The following PCDHGA9 variants were observed in gnomAD, a reference collection of about 807,000 sequenced individuals.
PCDHGA9 encodes the protein protocadherin gamma-A9.
Under a neutral mutation model 62.5 loss-of-function variants are expected in PCDHGA9, and 37 were observed. That is an observed-to-expected ratio of 0.59 (90% CI 0.46 to 0.78). The LOEUF is 0.78. Ranked by LOEUF, PCDHGA9 falls within the 30% of genes least tolerant of loss-of-function variation. The pLI is 0.00. For synonymous variants in PCDHGA9, 459 were observed against 484.6 expected (o/e 0.95, Z 0.69); for missense variants, 1,138 against 1,166.2 (o/e 0.98, Z 0.35).
At chr5:141,418,343 A>G in intron 1 of PCDHGA9, 1 of 1,614,010 alleles carries the variant, frequency 6.2e-7, no homozygotes, top group Non-Finnish European at 8.5e-7. Flanking sequence ...AGATCCTGAT[A>G]TTAGTATGAA....
intron 1 of PCDHGA9, among the ~76,000 whole-genome samples, chr5:141,438,629 TATATATACACACAC>T (rs1468553117): frequency 3.8e-3 from 181 of 48,054 alleles, no homozygotes; most frequent in Non-Finnish European, 5.4e-3. Flanking sequence ...TATATATATA[TATATATACACACAC>T]ACACACACAT....
intron 3 of PCDHGA9, 44 bp downstream of exon 3, chr5:141,505,525 G>C: frequency 1.2e-6 from 2 of 1,612,490 alleles, no homozygotes; most frequent in Non-Finnish European, 1.7e-6. Flanking sequence ...GAGACCTGGG[G>C]TTCTGGGGTG....
At position 141,477,811 on chromosome 5, in the gene PCDHGA9, C is replaced by A. The variant is rs1211574518; in HGVS notation, c.2425-16996C>A. 1 of 1,614,046 alleles carries A rather than the reference C, an allele frequency of 6.2e-7. No individual in the cohort carries two copies. Among genetic ancestry groups the A allele is most frequent in the Non-Finnish European group, 8.5e-7 (1 of 1,180,034 alleles). On this transcript the variant is annotated intron_variant, in intron 1 of 3. Transcript: ENST00000573521. This position sits in a 1 kb window ranked among gnomAD's most constrained non-coding sequence, Gnocchi z 4.9. ...TCACTGATCGCAATGACAATGCCCC[C>A]CAGGTCCTATATCCTCGGCCAGGTG...
At chr5:141,419,174 A>G (rs1283454889) in intron 1 of PCDHGA9, 1 of 1,613,840 alleles carries the variant, frequency 6.2e-7, no homozygotes, top group East Asian at 2.2e-5. Flanking sequence ...CAAAACCATA[A>G]CCCTGCACAT....
chr5:141,456,301 C>CA (rs761557752), intron 1 of PCDHGA9, among the ~76,000 whole-genome samples: 14 of 152,154 alleles, frequency 9.2e-5, no homozygotes, highest in Non-Finnish European at 1.6e-4. Flanking sequence ...TAATGGAGAA[C>CA]AGCAGCTAGG....
At chr5:141,436,473 C>CA (rs2097825744) in intron 1 of PCDHGA9, among the ~76,000 whole-genome samples, 1 of 152,112 alleles carries the variant, frequency 6.6e-6, no homozygotes, top group Non-Finnish European at 1.5e-5. Context: ...TCAGATGTAT[C>CA]ATAGAAGGAT....
At position 141,486,315 on chromosome 5, in the gene PCDHGA9, C is replaced by T. The variant is rs1432435944; in HGVS notation, c.2425-8492C>T. The T allele has an allele frequency of 6.2e-7, 1 of 1,614,066 alleles. No individual in the cohort carries two copies. Among genetic ancestry groups the T allele is most frequent in the East Asian group, 2.2e-5 (1 of 44,862 alleles). ...AGTGTGCAGGATCCAGACTCAGGGT[C>T]AAACGGAGATGTGAGCCTCCGCATT... On this transcript the variant is annotated intron_variant, in intron 1 of 3. Transcript: ENST00000573521. The surrounding 1 kb of genome is among the most constrained non-coding windows in gnomAD (Gnocchi z 5.0).
At chr5:141,435,800 A>G (rs530461064) in intron 1 of PCDHGA9, among the ~76,000 whole-genome samples, 20 of 152,128 alleles carry the variant, frequency 1.3e-4, no homozygotes, top group Non-Finnish European at 2.6e-4. Flanking sequence ...ATAACGTCCC[A>G]ATTATTTTTT....
intron 1 of PCDHGA9, among the ~76,000 whole-genome samples, chr5:141,406,812 T>G (rs528041804): frequency 6.6e-6 from 1 of 152,350 alleles, no homozygotes; most frequent in East Asian, 1.9e-4. Context: ...CTCCAACTTT[T>G]GAGTCTAGAA....
intron 1 of PCDHGA9, among the ~76,000 whole-genome samples, chr5:141,463,177 A>G (rs914982793): frequency 2.6e-5 from 4 of 152,250 alleles, no homozygotes; most frequent in Admixed American, 2.6e-4. Context: ...ATGTATGCTC[A>G]GATTATTATT....
intron 1 of PCDHGA9, among the ~76,000 whole-genome samples, chr5:141,452,300 T>C (rs886540131): frequency 2.0e-5 from 3 of 152,194 alleles, no homozygotes; most frequent in African/African-American, 7.2e-5. Flanking sequence ...TAAGAAAATA[T>C]TAGAGACTCA....
In PCDHGA9 at chr5:141,431,544, T is replaced by C. The variant is rs1409551731; in HGVS notation, c.2424+26168T>C. 1.2e-6 allele frequency: 2 copies of C among 1,614,152 alleles called. No individual in the cohort carries two copies. The highest frequency in any genetic ancestry group is 2.2e-5 in the South Asian group (2 of 91,092). ...AATCTGGCCTTGGGCACGCAGCTGC[T>C]TGTAGTCAACGCTACCGACCCTGAC... On this transcript the variant is annotated intron_variant, in intron 1 of 3. Coordinates refer to ENST00000573521, the MANE Select transcript of PCDHGA9 (RefSeq NM_018921.3). The surrounding 1 kb of genome is among the most constrained non-coding windows in gnomAD (Gnocchi z 4.8).
Position 141,512,495 on chromosome 5 carries a change from C to T in PCDHGA9, c.*1322C>T, listed in dbSNP as rs2099884264. 1 of 152,920 alleles carries T rather than the reference C, an allele frequency of 6.5e-6. No homozygotes were observed. The highest frequency in any genetic ancestry group is 1.5e-5 in the Non-Finnish European group (1 of 68,240). The allele number at this position is 152,920 out of a possible 1,614,324, so 9.5% of individuals were successfully genotyped here. A position where few individuals can be genotyped will look rare whatever the true frequency, so the allele number is the denominator to read the frequency against. On this transcript the variant is annotated 3_prime_UTR_variant, in exon 4 of 4. Coordinates refer to ENST00000573521, the MANE Select transcript of PCDHGA9 (RefSeq NM_018921.3). ...TTCCGTGAAGGCCACTGCCCAGGTCCCCAGTGCGCCCCCTAGTGGCCATAG... is the reference window on the plus strand; with the variant it reads ...TTCCGTGAAGGCCACTGCCCAGGTCTCCAGTGCGCCCCCTAGTGGCCATAG...
Position 141,438,239 on chromosome 5 carries a change from A to C in PCDHGA9, c.2424+32863A>C, listed in dbSNP as rs550172792. Among the ~76,000 whole-genome samples, 9 of 152,298 alleles carry C rather than the reference A, an allele frequency of 5.9e-5. No homozygotes were observed. In the East Asian group the frequency reaches 1.7e-3, roughly 29 times the overall value. On this transcript the variant is annotated intron_variant, in intron 1 of 3. Transcript: ENST00000573521. ...GCTCTGGTTCAGGAAAATGTTTTTA[A>C]AAAACTGTCATTGAAGAGACCATAG...
At chr5:141,494,554 T>C (rs1270280236) in intron 1 of PCDHGA9, among the ~76,000 whole-genome samples, 1 of 152,178 alleles carries the variant, frequency 6.6e-6, no homozygotes, top group African/African-American at 2.4e-5. Flanking sequence ...GGGCCATTTC[T>C]TTAGGAAAGG....
rs768847018 is a variant in PCDHGA9 at position 141,431,426 on chromosome 5, A to C, written c.2424+26050A>C. On this transcript the variant is annotated intron_variant, in intron 1 of 3. Transcript: ENST00000573521. The surrounding 1 kb of genome is among the most constrained non-coding windows in gnomAD (Gnocchi z 4.8). ...CTCCGACGGGGGCGACCCGGTGCGCACAGGCACCGCGCGCATCCGCGTGAT... is the reference window on the plus strand; with the variant it reads ...CTCCGACGGGGGCGACCCGGTGCGCCCAGGCACCGCGCGCATCCGCGTGAT... 6.2e-7 allele frequency: 1 copy of C among 1,613,666 alleles called. No individual in the cohort carries two copies. The highest frequency in any genetic ancestry group is 1.1e-5 in the South Asian group (1 of 91,078).
intron 1 of PCDHGA9, chr5:141,422,992 G>A: frequency 6.2e-7 from 1 of 1,614,238 alleles, no homozygotes; most frequent in Non-Finnish European, 8.5e-7. Flanking sequence ...TGGCTACCTG[G>A]TGACCAAGGT....
chr5:141,420,910 G>T, intron 1 of PCDHGA9: 1 of 311,900 alleles, frequency 3.2e-6, no homozygotes, highest in South Asian at 7.0e-5. Context: ...ACAAATACGT[G>T]TGATTCACAA....
At chr5:141,478,133 G>T (rs769287158) in intron 1 of PCDHGA9, 1 of 1,614,060 alleles carries the variant, frequency 6.2e-7, no homozygotes, top group Non-Finnish European at 8.5e-7. Flanking sequence ...CTCTCCTGAA[G>T]CCCGAGCCGA....
Sources: gnomAD v4.1 joint callset for allele counts (sites outside exome capture counted in the v4.1 genomes callset) on GRCh38, gnomAD v4.1.1 for gene constraint, Gnocchi (gnomAD v3.1) non-coding constraint, MANE v1.5 for transcripts, NCBI Gene and HGNC (gene_info 2026-07-23, HGNC 2026-07-21) for gene names.